Variants in MGAT4C observed in about 807,000 individuals in gnomAD.
MGAT4C encodes the protein alpha-1,3-mannosyl-glycoprotein 4-beta-N-acetylglucosaminyltransferase C.
A neutral mutation model predicts 40.1 loss-of-function variants in MGAT4C; 19 were observed. That is an observed-to-expected ratio of 0.47 (90% CI 0.33 to 0.70). The LOEUF (loss-of-function observed/expected upper bound fraction) is 0.70. Ranked by LOEUF, MGAT4C falls within the 30% of genes least tolerant of loss-of-function variation. The pLI, the probability that MGAT4C is intolerant of heterozygous loss-of-function variation, is 0.02. For missense variants in MGAT4C, 491 were observed against 563.2 expected (o/e 0.87, Z 1.30); for synonymous variants, 181 against 187.1 (o/e 0.97, Z 0.27).
At chr12:86,492,882 T>A (rs1462043864) in intron 2 of MGAT4C, among the ~76,000 whole-genome samples, 1 of 151,966 alleles carries the variant, frequency 6.6e-6, no homozygotes, top group Non-Finnish European at 1.5e-5. Flanking sequence ...GGGAGAAAAT[T>A]TTGCAACCTA....
chr12:86,098,433 T>C (rs964160357), intron 1 of MGAT4C, among the ~76,000 whole-genome samples: 1 of 151,710 alleles, frequency 6.6e-6, no homozygotes, highest in African/African-American at 2.4e-5. Flanking sequence ...CATTGAGGCA[T>C]GTGTGACTGA....
intron 2 of MGAT4C, among the ~76,000 whole-genome samples, chr12:86,620,619 T>C (rs1230835652): frequency 6.6e-6 from 1 of 152,118 alleles, no homozygotes; most frequent in East Asian, 1.9e-4. Flanking sequence ...TATTCACTAG[T>C]TGTATGATGG....
At position 85,965,395 on chromosome 12, in the gene MGAT4C, A is replaced by C. The variant is rs907292192; in HGVS notation, c.*13894T>G. 2.0e-5 allele frequency: 3 copies of C among 152,092 alleles called. No individual in the cohort carries two copies. Among genetic ancestry groups the C allele is most frequent in the African/African-American group, 7.2e-5 (3 of 41,396 alleles). 9.4% of individuals were successfully genotyped at this position (152,092 alleles called of 1,614,324 possible). A position where few individuals can be genotyped will look rare whatever the true frequency, so the allele number is the denominator to read the frequency against. On this transcript the variant is annotated 3_prime_UTR_variant, in exon 5 of 5. Coordinates refer to ENST00000611864, the MANE Select transcript of MGAT4C (RefSeq NM_001351288.2). ...GGAGGATCACGAGGTCAGGAGATCG[A>C]GAGCATCCTGGCTAACAAGGTGAAA...
chr12:86,654,357 G>A (rs948957302), intron 2 of MGAT4C, among the ~76,000 whole-genome samples: 22 of 149,760 alleles, frequency 1.5e-4, no homozygotes, highest in African/African-American at 4.6e-4. Flanking sequence ...TTTTTTTCCT[G>A]ACAACAATCG....
chr12:86,147,492 C>T (rs1439970876), intron 1 of MGAT4C, among the ~76,000 whole-genome samples: 10 of 152,284 alleles, frequency 6.6e-5, no homozygotes, highest in South Asian at 2.1e-4. Context: ...CCACCCGCCT[C>T]GGCCTCCCAA....
intron 2 of MGAT4C, among the ~76,000 whole-genome samples, chr12:86,535,269 A>G (rs944266350): frequency 2.7e-4 from 41 of 152,236 alleles, no homozygotes; most frequent in Admixed American, 1.2e-3. Flanking sequence ...TACACGTTTT[A>G]CCAATATTAA....
At chr12:86,609,756 C>A (rs1962181864) in intron 2 of MGAT4C, among the ~76,000 whole-genome samples, 1 of 149,174 alleles carries the variant, frequency 6.7e-6, no homozygotes. Flanking sequence ...GAAATATGTA[C>A]AGTTTTACCT....
rs115613077 is a variant in MGAT4C at position 86,585,557 on chromosome 12, T to C, written c.-229+141652A>G. On this transcript the variant is annotated intron_variant, in intron 2 of 7. Coordinates refer to the MGAT4C transcript ENST00000548651. ...TTGATGGCTATAATTTCTTATGAGATTGACATATTAATAATTTAATGAACC... is the reference window on the plus strand; with the variant it reads ...TTGATGGCTATAATTTCTTATGAGACTGACATATTAATAATTTAATGAACC... Among the ~76,000 whole-genome samples the C allele has an allele frequency of 3.0e-3, 460 of 151,506 alleles. 2 individuals carry two copies. The highest frequency in any genetic ancestry group is 0.011 in the African/African-American group (438 of 41,440).
At chr12:86,366,600 A>C (rs1372752190) in intron 3 of MGAT4C, among the ~76,000 whole-genome samples, 3 of 152,160 alleles carry the variant, frequency 2.0e-5, no homozygotes, top group Non-Finnish European at 2.9e-5. Flanking sequence ...GCAAGGATTG[A>C]AAAAGTACTT....
At chr12:85,990,417 A>G (rs1885762691) in intron 2 of MGAT4C, among the ~76,000 whole-genome samples, 1 of 152,214 alleles carries the variant, frequency 6.6e-6, no homozygotes, top group Non-Finnish European at 1.5e-5. Flanking sequence ...AAATCAACAC[A>G]TTGATAACCT....
chr12:86,446,658 CAT>C (rs34157468), intron 2 of MGAT4C, among the ~76,000 whole-genome samples: 2,833 of 34,804 alleles, frequency 0.081, 49 homozygotes, highest in Admixed American at 0.12. Context: ...TCATGTAACT[CAT>C]ATATATATAT....
rs73387277 is a variant in MGAT4C, at chr12:86,343,883, T to A, written c.-119-9756A>T. Among the ~76,000 whole-genome samples the A allele has an allele frequency of 3.4e-3, 523 of 152,270 alleles. 3 individuals carry two copies. Among genetic ancestry groups the A allele is most frequent in the African/African-American group, 0.012 (491 of 41,550 alleles). ...TTTTCATTTTTGAATGTGTTTTTTTTATAGGTCTGTGTGCTTACATATGAG... is the reference window on the plus strand; with the variant it reads ...TTTTCATTTTTGAATGTGTTTTTTTAATAGGTCTGTGTGCTTACATATGAG... On this transcript the variant is annotated intron_variant, in intron 3 of 7. Transcript: ENST00000548651.
chr12:86,572,923 T>A (rs903359532), intron 2 of MGAT4C, among the ~76,000 whole-genome samples: 8 of 152,058 alleles, frequency 5.3e-5, no homozygotes, highest in African/African-American at 1.9e-4. Flanking sequence ...GGCAAGGGGC[T>A]TTTGTATTTC....
At chr12:86,345,934 A>G (rs1266286958) in intron 3 of MGAT4C, among the ~76,000 whole-genome samples, 2 of 152,176 alleles carry the variant, frequency 1.3e-5, no homozygotes, top group African/African-American at 4.8e-5. Flanking sequence ...TGACTTTTTA[A>G]TGATCGCCAT....
At chr12:86,682,167 AT>A (rs1949995037) in intron 2 of MGAT4C, among the ~76,000 whole-genome samples, 1 of 152,088 alleles carries the variant, frequency 6.6e-6, no homozygotes, top group South Asian at 2.1e-4. Context: ...AACAACCATT[AT>A]GAGCAAGTTT....
At chr12:86,820,908 C>T (rs533421486) in intron 1 of MGAT4C, among the ~76,000 whole-genome samples, 157 of 150,936 alleles carry the variant, frequency 1.0e-3, no homozygotes, top group African/African-American at 3.7e-3. Context: ...TGTAGTTCCA[C>T]CCTATTTAGG....
chr12:86,446,887 A>G (rs1957351077), intron 2 of MGAT4C, among the ~76,000 whole-genome samples: 1 of 151,568 alleles, frequency 6.6e-6, no homozygotes, highest in Non-Finnish European at 1.5e-5. Context: ...TAAATATATA[A>G]AAATTGATAT....
chr12:86,022,288 A>C (rs1889812060), intron 2 of MGAT4C, among the ~76,000 whole-genome samples: 1 of 152,236 alleles, frequency 6.6e-6, no homozygotes, highest in African/African-American at 2.4e-5. Flanking sequence ...ATTTTTAAAA[A>C]ACATTTTAAA....
chr12:86,415,421 A>G (rs1296189614), intron 3 of MGAT4C, among the ~76,000 whole-genome samples: 1 of 152,036 alleles, frequency 6.6e-6, no homozygotes, highest in Non-Finnish European at 1.5e-5. Context: ...ATAATAATTG[A>G]GAGAAGAGAT....
Sources: allele counts gnomAD v4.1 joint callset (sites outside exome capture counted in the v4.1 genomes callset), GRCh38; gene constraint gnomAD v4.1.1; transcripts MANE v1.5; gene names NCBI Gene and HGNC (gene_info 2026-07-23, HGNC 2026-07-21).